Variants in MTARC1 observed in about 807,000 individuals in gnomAD.
MTARC1 encodes mitochondrial amidoxime reducing component 1.
MTARC1 carries 24 observed loss-of-function variants against 33.6 expected under a neutral mutation model. The ratio of observed to expected loss-of-function variants is 0.72; its 90% CI spans 0.52 to 1.01. The LOEUF (loss-of-function observed/expected upper bound fraction) is 1.01. Ranked by LOEUF, MTARC1 falls within the 50% of genes least tolerant of loss-of-function variation. The pLI is 0.00. For missense variants in MTARC1, 417 were observed against 445.7 expected (o/e 0.94, Z 0.58); for synonymous variants, 187 against 189.5 (o/e 0.99, Z 0.11).
chr1:220,791,190 T>C, intron 1 of MTARC1: 2 of 221,838 alleles, frequency 9.0e-6, no homozygotes, highest in South Asian at 9.9e-5. Context: ...GTGATCAGGC[T>C]TTCTAGAGAT....
intron 6 of MTARC1, among the ~76,000 whole-genome samples, chr1:220,807,011 A>G (rs985226393): frequency 1.7e-4 from 26 of 152,348 alleles, no homozygotes; most frequent in Admixed American, 1.6e-3. Context: ...GCTACAGACC[A>G]GCCTAAGGGA....
At position 220,816,577 on chromosome 1, in the gene MTARC1, T is replaced by G. The variant is rs1385068170; in HGVS notation, c.*3159T>G. On this transcript the variant is annotated 3_prime_UTR_variant, in exon 7 of 7. Coordinates refer to ENST00000366910, the MANE Select transcript of MTARC1 (RefSeq NM_022746.4). ...GGAGAGGCCTTCATGAAGACATCTGTGTTTAATGCTGCCCTTCCCAAAGGT... is the reference window on the plus strand; with the variant it reads ...GGAGAGGCCTTCATGAAGACATCTGGGTTTAATGCTGCCCTTCCCAAAGGT... 6.6e-6 allele frequency: 1 copy of G among 152,222 alleles called. No individual in the cohort carries two copies. Among genetic ancestry groups the G allele is most frequent in the African/African-American group, 2.4e-5 (1 of 41,456 alleles). The allele number at this position is 152,222 out of a possible 1,614,324, so 9.4% of individuals were successfully genotyped here.
chr1:220,787,187 C>A lies in MTARC1; in HGVS notation c.243C>A (p.Ala81=), dbSNP rs1443941317. ...CGGTGAGCGAGGCGGAGTGCACGGCCATGGGGCTGCGCAGCGGCAACCTGC... is the reference window on the plus strand; with the variant it reads ...CGGTGAGCGAGGCGGAGTGCACGGCAATGGGGCTGCGCAGCGGCAACCTGC... ...GVPVSEAECT[A]MGLRSGNLRD... The change falls in exon 1 of 7, where the codon GCC becomes GCA. Residue 81 remains alanine (A), a synonymous_variant. Coordinates refer to ENST00000366910, the MANE Select transcript of MTARC1 (RefSeq NM_022746.4). The A allele has an allele frequency of 6.3e-7, 1 of 1,579,266 alleles. No homozygotes were observed. Among genetic ancestry groups the A allele is most frequent in the East Asian group, 2.4e-5 (1 of 42,442 alleles).
At chr1:220,799,110 TC>T in intron 4 of MTARC1, 2 of 985,306 alleles carry the variant, frequency 2.0e-6, no homozygotes, top group Non-Finnish European at 2.4e-6. Context: ...TGTTGAAGGG[TC>T]AGTTTGGATA....
At position 220,818,208 on chromosome 1, in the gene MTARC1, A is replaced by G. The variant is rs764704849; in HGVS notation, c.*4790A>G. 1 of 152,242 alleles carries G rather than the reference A, an allele frequency of 6.6e-6. No individual in the cohort carries two copies. Among genetic ancestry groups the G allele is most frequent in the Non-Finnish European group, 1.5e-5 (1 of 68,052 alleles). The allele number at this position is 152,242 out of a possible 1,614,324, so 9.4% of individuals were successfully genotyped here. ...CTCTGACCACACTCTCTTCACAGGA[A>G]GAGGCTTGGGCCACAGCTCTGACTA... On this transcript the variant is annotated 3_prime_UTR_variant, in exon 7 of 7. Transcript: ENST00000366910.
At chr1:220,796,128 A>G (rs1672608516) in intron 2 of MTARC1, among the ~76,000 whole-genome samples, 4 of 151,766 alleles carry the variant, frequency 2.6e-5, no homozygotes. Context: ...AAATAAATAT[A>G]ATATTATTGT....
chr1:220,792,803 T>C (rs1339245850), intron 2 of MTARC1, among the ~76,000 whole-genome samples: 1 of 152,210 alleles, frequency 6.6e-6, no homozygotes, highest in Non-Finnish European at 1.5e-5. Context: ...ATTGATATGT[T>C]GAGTATTTTT....
intron 1 of MTARC1, among the ~76,000 whole-genome samples, chr1:220,789,110 ACGTGCC>A (rs1672340744): frequency 2.0e-5 from 3 of 152,104 alleles, no homozygotes; most frequent in African/African-American, 7.2e-5. Flanking sequence ...AGGATGCGAC[ACGTGCC>A]AGGGTGCCAG....
intron 3 of MTARC1, 64 bp downstream of exon 3, chr1:220,796,869 G>T: frequency 6.7e-7 from 1 of 1,503,146 alleles, no homozygotes; most frequent in Non-Finnish European, 8.9e-7. Flanking sequence ...GGCTCAGGTG[G>T]CATCTCTGAT....
At position 220,815,738 on chromosome 1, in the gene MTARC1, AT is replaced by A. The variant is rs1673266741; in HGVS notation, c.*2321del. ...CACACTATTCCACTTGAAATATAGAATCAGGAATGTAGGCCATCCCAGACTT... is the reference window on the plus strand; with the variant it reads ...CACACTATTCCACTTGAAATATAGAACAGGAATGTAGGCCATCCCAGACTT... On this transcript the variant is annotated 3_prime_UTR_variant, in exon 7 of 7. Transcript: ENST00000366910. The A allele has an allele frequency of 2.0e-5, 3 of 152,236 alleles. No individual in the cohort carries two copies. The allele number at this position is 152,236 out of a possible 1,614,324, so 9.4% of individuals were successfully genotyped here.
In MTARC1 at chr1:220,796,691, C is replaced by A; in HGVS notation, c.498C>A (p.Ala166=). ...IEGRDCGEAT[A]QWITSFLKSQ... ...GCAGGGACTGTGGCGAGGCCACCGC[C>A]CAGTGGATAACCAGCTTCCTGAAGT... The change falls in exon 3 of 7, where the codon GCC becomes GCA. Residue 166 remains alanine (A), a synonymous_variant. Coordinates refer to ENST00000366910, the MANE Select transcript of MTARC1 (RefSeq NM_022746.4). 1 of 1,612,560 alleles carries A rather than the reference C, an allele frequency of 6.2e-7. No individual in the cohort carries two copies. Among genetic ancestry groups the A allele is most frequent in the Non-Finnish European group, 8.5e-7 (1 of 1,179,424 alleles).
At chr1:220,794,965 C>T (rs1328292981) in intron 2 of MTARC1, among the ~76,000 whole-genome samples, 1 of 152,026 alleles carries the variant, frequency 6.6e-6, no homozygotes, top group Non-Finnish European at 1.5e-5. Context: ...TAATGTAACC[C>T]AGACACTGTT....
chr1:220,799,666 G>A (rs1672725772), intron 4 of MTARC1, among the ~76,000 whole-genome samples: 1 of 152,146 alleles, frequency 6.6e-6, no homozygotes, highest in South Asian at 2.1e-4. Context: ...GCCTGCCCTA[G>A]GCTATACCAC....
intron 1 of MTARC1, among the ~76,000 whole-genome samples, chr1:220,788,301 C>G (rs1029795223): frequency 6.6e-6 from 1 of 152,160 alleles, no homozygotes; most frequent in East Asian, 1.9e-4. Context: ...AGGCCAGCCT[C>G]GGGTCTTATT....
chr1:220,811,234 G>T (rs1027228561), intron 6 of MTARC1, among the ~76,000 whole-genome samples: 1 of 152,234 alleles, frequency 6.6e-6, no homozygotes, highest in Admixed American at 6.5e-5. Flanking sequence ...GGTTTGTCAG[G>T]TCCAAGGGCA....
rs1673227343 is a variant in MTARC1 at position 220,814,224 on chromosome 1, T to C, written c.*806T>C. 1 of 152,240 alleles carries C rather than the reference T, an allele frequency of 6.6e-6. No homozygotes were observed. The highest frequency in any genetic ancestry group is 2.1e-4 in the South Asian group (1 of 4,830). The allele number at this position is 152,240 out of a possible 1,614,324, so 9.4% of individuals were successfully genotyped here. A position where few individuals can be genotyped will look rare whatever the true frequency, so the allele number is the denominator to read the frequency against. On this transcript the variant is annotated 3_prime_UTR_variant, in exon 7 of 7. Coordinates refer to ENST00000366910, the MANE Select transcript of MTARC1 (RefSeq NM_022746.4). The stretch of plus-strand genomic sequence containing the variant: ...CCTTTAAAGGGGGAAAAGGAAAGCA[T>C]ATGTCAGTTGTTTAAAACCCAATAT...
At chr1:220,800,419 A>AAGC (rs60204162) in intron 4 of MTARC1, among the ~76,000 whole-genome samples, 115,900 of 151,348 alleles carry the variant, frequency 0.77, 45,078 homozygotes, top group African/African-American at 0.91. Context: ...AGATAGTGAA[A>AAGC]AGTCACAGCA....
In MTARC1 at chr1:220,815,329, G is replaced by A. The variant is rs918747104; in HGVS notation, c.*1911G>A. 2 of 152,240 alleles carry A rather than the reference G, an allele frequency of 1.3e-5. No individual in the cohort carries two copies. The highest frequency in any genetic ancestry group is 6.5e-5 in the Admixed American group (1 of 15,282). 9.4% of individuals were successfully genotyped at this position (152,240 alleles called of 1,614,324 possible). A position where few individuals can be genotyped will look rare whatever the true frequency, so the allele number is the denominator to read the frequency against. ...GGCTCTTCCTAGGTATTTATAATTA[G>A]TGGCAAGTGAAAGCCTTAGTCCTGA... On this transcript the variant is annotated 3_prime_UTR_variant, in exon 7 of 7. Coordinates refer to ENST00000366910, the MANE Select transcript of MTARC1 (RefSeq NM_022746.4).
At position 220,787,138 on chromosome 1, in the gene MTARC1, C is replaced by T; in HGVS notation, c.194C>T (p.Pro65Leu). 2 of 1,568,336 alleles carry T rather than the reference C, an allele frequency of 1.3e-6. No homozygotes were observed. Among genetic ancestry groups the T allele is most frequent in the Non-Finnish European group, 1.7e-6 (2 of 1,157,836 alleles). ...VGTVAQLWIY[P>L]VKSCKGVPVS... ...ACAGTGGCGCAGCTCTGGATCTACC[C>T]TGTGAAATCCTGCAAGGGGGTGCCG... The change falls in exon 1 of 7, where the codon CCT becomes CTT. Residue 65 changes from proline to leucine, a missense_variant. Pro to Leu is a moderately conservative substitution (Grantham distance 98). Transcript: ENST00000366910.
Sources: gnomAD v4.1 joint callset for allele counts (sites outside exome capture counted in the v4.1 genomes callset) on GRCh38, gnomAD v4.1.1 for gene constraint, MANE v1.5 for transcripts, NCBI Gene and HGNC (gene_info 2026-07-23, HGNC 2026-07-21) for gene names.